SLC35F3: variants seen among roughly 807,000 people sequenced by gnomAD.
SLC35F3 encodes putative thiamine transporter SLC35F3.
Under a neutral mutation model 49.9 loss-of-function variants are expected in SLC35F3, and 25 were observed. The ratio of observed to expected loss-of-function variants is 0.50; its 90% CI spans 0.37 to 0.70. The LOEUF (loss-of-function observed/expected upper bound fraction) is 0.70. SLC35F3 is among the 30% of genes least tolerant of loss of function. SLC35F3 has a pLI of 0.00. For synonymous variants in SLC35F3, 275 were observed against 265.4 expected (o/e 1.04, Z -0.35); for missense variants, 525 against 639.8 (o/e 0.82, Z 1.94).
intron 3 of SLC35F3, among the ~76,000 whole-genome samples, chr1:234,296,420 A>AC (rs1668594248): frequency 2.6e-5 from 4 of 152,312 alleles, no homozygotes; most frequent in Admixed American, 2.6e-4. Context: ...TGGACTCTTT[A>AC]GAATAGGAAG....
chr1:234,049,954 A>G (rs1664350269), intron 2 of SLC35F3, among the ~76,000 whole-genome samples: 1 of 152,192 alleles, frequency 6.6e-6, no homozygotes, highest in African/African-American at 2.4e-5. Flanking sequence ...ATGTCCCTAC[A>G]AAGGACATGA....
At chr1:234,300,054 T>A (rs949612106) in intron 3 of SLC35F3, among the ~76,000 whole-genome samples, 2 of 152,258 alleles carry the variant, frequency 1.3e-5, no homozygotes, top group East Asian at 3.9e-4. Context: ...AACTATGACA[T>A]GTTTTATGTA....
chr1:234,138,376 G>C (rs1161132422), intron 2 of SLC35F3, among the ~76,000 whole-genome samples: 1 of 152,132 alleles, frequency 6.6e-6, no homozygotes, highest in East Asian at 1.9e-4. Context: ...CAGAGGAGGA[G>C]GAGGGTCAAT....
chr1:234,125,593 TC>T (rs771060967), intron 2 of SLC35F3, among the ~76,000 whole-genome samples: 24 of 152,284 alleles, frequency 1.6e-4, no homozygotes, highest in Non-Finnish European at 2.8e-4. Flanking sequence ...CTCCAGCTGT[TC>T]CCAGCTCCTG....
chr1:233,964,864 T>C (rs1662876099), intron 2 of SLC35F3, among the ~76,000 whole-genome samples: 1 of 152,178 alleles, frequency 6.6e-6, no homozygotes, highest in Non-Finnish European at 1.5e-5. Flanking sequence ...ACTGCTGTGA[T>C]TGAGAATTCA....
At position 234,169,059 on chromosome 1, in the gene SLC35F3, G is replaced by A. The variant is rs76864657; in HGVS notation, c.284-62358G>A. 7.7e-3 allele frequency among the ~76,000 whole-genome samples: 1,172 copies of A among 152,304 alleles called. 21 individuals carry two copies. Among genetic ancestry groups the A allele is most frequent in the African/African-American group, 0.025 (1,058 of 41,572 alleles). On this transcript the variant is annotated intron_variant, in intron 2 of 7. Transcript: ENST00000366618. ...AAGGGAACTGATGGTGTGACTCCCA[G>A]TCAGAGTCCAAAGAGCCGAGAATCA...
chr1:234,085,395 G>A (rs1423246065), intron 2 of SLC35F3, among the ~76,000 whole-genome samples: 1 of 152,148 alleles, frequency 6.6e-6, no homozygotes, highest in Non-Finnish European at 1.5e-5. Flanking sequence ...TTCAAAAATT[G>A]GTTTTTGTTT....
At chr1:234,121,204 T>A (rs564146515) in intron 2 of SLC35F3, among the ~76,000 whole-genome samples, 16 of 149,604 alleles carry the variant, frequency 1.1e-4, no homozygotes, top group African/African-American at 3.9e-4. Context: ...TGGCGCAATC[T>A]TGGCTCACTG....
At chr1:234,251,188 A>C (rs1392635962) in intron 3 of SLC35F3, among the ~76,000 whole-genome samples, 7 of 152,138 alleles carry the variant, frequency 4.6e-5, no homozygotes, top group Non-Finnish European at 8.8e-5. Flanking sequence ...GACCTCCTTT[A>C]GGATGATTTC....
At chr1:234,186,342 A>G (rs1666643476) in intron 2 of SLC35F3, among the ~76,000 whole-genome samples, 2 of 152,204 alleles carry the variant, frequency 1.3e-5, no homozygotes, top group Admixed American at 6.5e-5. Flanking sequence ...ACAACTGACC[A>G]GTATTTGTTT....
intron 3 of SLC35F3, among the ~76,000 whole-genome samples, chr1:234,249,418 G>T (rs903533833): frequency 2.6e-5 from 4 of 152,166 alleles, no homozygotes; most frequent in African/African-American, 7.2e-5. Context: ...GGCAGGAGAG[G>T]AACCTCCCCC....
At chr1:233,968,857 T>A (rs4920271) in intron 2 of SLC35F3, among the ~76,000 whole-genome samples, 2 of 152,146 alleles carry the variant, frequency 1.3e-5, no homozygotes, top group African/African-American at 4.8e-5. Flanking sequence ...CTATTATTCC[T>A]GTCTTTATGA....
intron 2 of SLC35F3, among the ~76,000 whole-genome samples, chr1:233,988,189 G>T (rs1663295970): frequency 6.6e-6 from 1 of 152,254 alleles, no homozygotes; most frequent in South Asian, 2.1e-4. Context: ...CTAGGGATCA[G>T]ATGGTTTCAT....
At chr1:233,924,424 A>G (rs574010843) in intron 2 of SLC35F3, among the ~76,000 whole-genome samples, 1 of 152,230 alleles carries the variant, frequency 6.6e-6, no homozygotes, top group Non-Finnish European at 1.5e-5. Flanking sequence ...TTTCTAGTTT[A>G]TTTGCATAGA....
At position 234,115,646 on chromosome 1, in the gene SLC35F3, A is replaced by G. The variant is rs547626883; in HGVS notation, c.284-115771A>G. Among the ~76,000 whole-genome samples the G allele has an allele frequency of 2.2e-4, 34 of 152,338 alleles. 1 individual carries two copies. The highest frequency in any genetic ancestry group is 3.8e-4 in the Non-Finnish European group (26 of 68,038). On this transcript the variant is annotated intron_variant, in intron 2 of 7. Coordinates refer to ENST00000366618, the MANE Select transcript of SLC35F3 (RefSeq NM_173508.4). ...TTGCAAAAATAGTAAAAGAATTTCC[A>G]TATCCACTTGGATTCTCAAATGTTA...
chr1:234,232,537 A>AAAG (rs1553317284), intron 3 of SLC35F3, among the ~76,000 whole-genome samples: 21 of 149,216 alleles, frequency 1.4e-4, no homozygotes, highest in Admixed American at 3.3e-4. Flanking sequence ...AAAAAAAAAA[A>AAAG]AAAGAAAAAG....
chr1:234,075,369 C>T (rs934251321), intron 2 of SLC35F3, among the ~76,000 whole-genome samples: 1 of 152,232 alleles, frequency 6.6e-6, no homozygotes, highest in African/African-American at 2.4e-5. Flanking sequence ...TGGTCTCCAT[C>T]AGCCTTGTGC....
At chr1:234,129,620 C>T (rs1665703052) in intron 2 of SLC35F3, among the ~76,000 whole-genome samples, 1 of 152,128 alleles carries the variant, frequency 6.6e-6, no homozygotes, top group African/African-American at 2.4e-5. Flanking sequence ...CAAAAGAACT[C>T]AGACTAGCCA....
In SLC35F3 at chr1:234,273,322, A is replaced by G. The variant is rs571891026; in HGVS notation, c.609-35779A>G. Among the ~76,000 whole-genome samples the G allele has an allele frequency of 1.5e-4, 23 of 152,254 alleles. No individual in the cohort carries two copies. In the South Asian group the frequency reaches 3.7e-3, roughly 25 times the overall value. ...GCGATGGCTTTCTTTGACTTTCTTT[A>G]TTGATGACTGCCCAGAAGGGCCCAC... On this transcript the variant is annotated intron_variant, in intron 3 of 7. Coordinates refer to ENST00000366618, the MANE Select transcript of SLC35F3 (RefSeq NM_173508.4).
Sources: allele counts gnomAD v4.1 joint callset (sites outside exome capture counted in the v4.1 genomes callset), GRCh38; gene constraint gnomAD v4.1.1; transcripts MANE v1.5; gene names NCBI Gene and HGNC (gene_info 2026-07-23, HGNC 2026-07-21).